Variants in CHFR observed in about 807,000 individuals in gnomAD.
CHFR encodes E3 ubiquitin-protein ligase CHFR.
A neutral mutation model predicts 87.6 loss-of-function variants in CHFR; 57 were observed. The ratio of observed to expected loss-of-function variants is 0.65; its 90% CI spans 0.53 to 0.81. CHFR has a LOEUF of 0.81. Among genes scored for constraint, CHFR ranks in the 30% least tolerant of loss-of-function variants. The pLI is 0.00. For synonymous variants in CHFR, 381 were observed against 359.2 expected, an observed-to-expected ratio of 1.06 and a Z score of -0.69; for missense variants, 797 against 865.8, an observed-to-expected ratio of 0.92 and a Z score of 1.00.
Position 132,844,136 on chromosome 12 carries a change from T to C in CHFR, c.1736-2A>G, listed in dbSNP as rs1215661861. On this transcript the variant is annotated splice_acceptor_variant, in intron 15 of 17. Transcript: ENST00000450056. LOFTEE classifies it high-confidence loss of function. ...CGGTGTCTCCCGTGACTCTGTAATC[T>C]GGAAGAAACACAGCCAGTTACCCAG... The C allele has an allele frequency of 2.5e-6, 4 of 1,603,542 alleles. No individual in the cohort carries two copies. The highest frequency in any genetic ancestry group is 2.2e-5 in the East Asian group (1 of 44,790).
At chr12:132,844,314 T>C (rs1950764594) in intron 15 of CHFR, among the ~76,000 whole-genome samples, 180 bp from the exon 16 acceptor site, 1 of 152,214 alleles carries the variant, frequency 6.6e-6, no homozygotes, top group Admixed American at 6.5e-5. Context: ...AGACGGAGTC[T>C]CGCTCTGTCG....
chr12:132,875,087 G>A (rs943308711), intron 3 of CHFR, among the ~76,000 whole-genome samples: 18 of 152,320 alleles, frequency 1.2e-4, no homozygotes, highest in African/African-American at 4.1e-4. Context: ...TGAAGCAGGC[G>A]GGACAGCTAG....
chr12:132,878,743 C>T (rs1951692206), intron 2 of CHFR, among the ~76,000 whole-genome samples: 1 of 150,100 alleles, frequency 6.7e-6, no homozygotes, highest in South Asian at 2.1e-4. Flanking sequence ...TGGCGAGAAC[C>T]CGGGAGGAGG....
intron 2 of CHFR, among the ~76,000 whole-genome samples, chr12:132,881,976 T>C (rs1434529422): frequency 6.6e-6 from 1 of 151,498 alleles, no homozygotes; most frequent in Non-Finnish European, 1.5e-5. Flanking sequence ...GACAAGCACA[T>C]GGGAAACAAT....
rs762524769 is a variant in CHFR, at chr12:132,861,511, TG to T, written c.706del (p.Gln236ArgfsTer9). ...CACGGGCTCCAAATCCTCCTGATCCTGGGGTTCCAACGACGAAAAGGACGCA... is the reference window on the plus strand; with the variant it reads ...CACGGGCTCCAAATCCTCCTGATCCTGGGTTCCAACGACGAAAAGGACGCA... The part of the protein sequence containing the change: ...KTASFSSLEP[Q>X]DQEDLEPVKK... On this transcript the variant is annotated frameshift_variant, in exon 7 of 18. Coordinates refer to ENST00000450056, the MANE Select transcript of CHFR (RefSeq NM_001161346.2). LOFTEE classifies it high-confidence loss of function. 1 of 1,614,204 alleles carries T rather than the reference TG, an allele frequency of 6.2e-7. No homozygotes were observed. The highest frequency in any genetic ancestry group is 8.5e-7 in the Non-Finnish European group (1 of 1,180,034).
chr12:132,869,384 G>A (rs776454052), intron 6 of CHFR, among the ~76,000 whole-genome samples: 7 of 152,078 alleles, frequency 4.6e-5, no homozygotes, highest in Non-Finnish European at 7.4e-5. Context: ...TATGGTATGC[G>A]AATTATAGTC....
Position 132,837,132 on chromosome 12 carries a change from C to G in CHFR, c.*4422G>C. 3.5e-6 allele frequency: 1 copy of G among 282,004 alleles called. No individual in the cohort carries two copies. The highest frequency in any genetic ancestry group is 3.3e-5 in the South Asian group (1 of 30,450). The allele number at this position is 282,004 out of a possible 1,614,324, so 17.5% of individuals were successfully genotyped here. A position where few individuals can be genotyped will look rare whatever the true frequency, so the allele number is the denominator to read the frequency against. On this transcript the variant is annotated 3_prime_UTR_variant, in exon 18 of 18. Coordinates refer to ENST00000450056, the MANE Select transcript of CHFR (RefSeq NM_001161346.2). ...GAAGCAGAGGAACACCTGAGGGGCT[C>G]CAGGAGAAGCAGGTAGGGAGAAGAG...
At chr12:132,845,727 G>A (rs1025048139) in intron 15 of CHFR, among the ~76,000 whole-genome samples, 1 of 152,110 alleles carries the variant, frequency 6.6e-6, no homozygotes. Flanking sequence ...CTGGAGAGGA[G>A]TGACCCTCAC....
intron 15 of CHFR, among the ~76,000 whole-genome samples, chr12:132,845,971 C>T (rs532299302): frequency 2.6e-5 from 4 of 152,188 alleles, no homozygotes; most frequent in Non-Finnish European, 5.9e-5. Context: ...GCTCTTGTTA[C>T]CCAATAAATA....
At chr12:132,855,787 CCTT>C (rs762075096) in intron 10 of CHFR, among the ~76,000 whole-genome samples, 4 of 152,194 alleles carry the variant, frequency 2.6e-5, no homozygotes, top group Non-Finnish European at 5.9e-5. Flanking sequence ...GTTTTGGTTT[CCTT>C]CTTTTTGCTT....
intron 3 of CHFR, 38 bp downstream of exon 3, chr12:132,877,517 C>CAAGAAGAAACACCAAAAGAAGCTCAG (rs1566203069): frequency 7.1e-7 from 1 of 1,413,636 alleles, no homozygotes; most frequent in Non-Finnish European, 9.9e-7. Flanking sequence ...TCTTAAGCTA[C>CAAGAAGAAACACCAAAAGAAGCTCAG]AAGAAGAAAC....
At chr12:132,848,937 C>T (rs1309898358) in intron 12 of CHFR, 1 of 525,518 alleles carries the variant, frequency 1.9e-6, no homozygotes, top group African/African-American at 1.9e-5. Context: ...AAAGGCGAGG[C>T]TCACATTTTC....
intron 6 of CHFR, among the ~76,000 whole-genome samples, chr12:132,863,043 C>T (rs1347186418): frequency 4.7e-5 from 7 of 149,418 alleles, no homozygotes; most frequent in African/African-American, 1.2e-4. Context: ...ACTACAGGTG[C>T]CCGCCACCAC....
chr12:132,887,057 G>A, intron 2 of CHFR, 139 bp downstream of exon 2: 1 of 676,702 alleles, frequency 1.5e-6, no homozygotes, highest in Non-Finnish European at 2.3e-6. Flanking sequence ...GCAGAACACC[G>A]AATAAATACC....
intron 3 of CHFR, among the ~76,000 whole-genome samples, chr12:132,875,615 C>A (rs1030111475): frequency 6.6e-6 from 1 of 152,092 alleles, no homozygotes; most frequent in Non-Finnish European, 1.5e-5. Context: ...CAGAGCGAGA[C>A]TCCGTCTCAA....
intron 17 of CHFR, among the ~76,000 whole-genome samples, 187 bp from the exon 18 acceptor site, chr12:132,841,783 T>A (rs1391138106): frequency 6.6e-6 from 1 of 152,110 alleles, no homozygotes; most frequent in Non-Finnish European, 1.5e-5. Flanking sequence ...AAGGTAAACT[T>A]CTTTATCCCT....
At chr12:132,843,155 A>G in intron 16 of CHFR, 72 bp from the exon 17 acceptor site, 1 of 1,404,412 alleles carries the variant, frequency 7.1e-7, no homozygotes, top group Non-Finnish European at 1.0e-6. Context: ...GAATCCCAGC[A>G]GAGACCCAAC....
chr12:132,856,406 G>A (rs2306539), intron 10 of CHFR, 62 bp downstream of exon 10: 284,406 of 1,572,018 alleles, frequency 0.18, 26,890 homozygotes, highest in Middle Eastern at 0.24. Flanking sequence ...GTGAGCTCTC[G>A]GTCACGGTTG....
At chr12:132,876,677 T>C (rs115972571) in intron 3 of CHFR, among the ~76,000 whole-genome samples, 213 of 152,328 alleles carry the variant, frequency 1.4e-3, no homozygotes, top group African/African-American at 4.9e-3. Flanking sequence ...TTTGAATACA[T>C]TCAAGAAGGG....
Sources: gnomAD v4.1 joint callset for allele counts (sites outside exome capture counted in the v4.1 genomes callset) on GRCh38, gnomAD v4.1.1 for gene constraint, MANE v1.5 for transcripts, NCBI Gene and HGNC (gene_info 2026-07-23, HGNC 2026-07-21) for gene names.